The following WWOX variants were observed in gnomAD, a reference collection of about 807,000 sequenced individuals.
The protein encoded by WWOX is WW domain-containing oxidoreductase.
Under a neutral mutation model 46.2 loss-of-function variants are expected in WWOX, and 69 were observed. That is an observed-to-expected ratio of 1.49 (90% CI 1.23 to 1.82). The LOEUF is 1.82. Among genes scored for constraint, WWOX ranks in the 40% most tolerant of loss-of-function variants. WWOX has a pLI of 0.00. For missense variants in WWOX, 919 were observed against 542.6 expected, an observed-to-expected ratio of 1.69 and a Z score of -6.89; for synonymous variants, 359 against 202.6, an observed-to-expected ratio of 1.77 and a Z score of -6.56.
chr16:78,353,887 G>T (rs527284484), intron 5 of WWOX, among the ~76,000 whole-genome samples: 1 of 152,198 alleles, frequency 6.6e-6, no homozygotes, highest in Non-Finnish European at 1.5e-5. Context: ...CAGGATTCTC[G>T]TAAAATTCCT....
chr16:78,392,436 AT>A, intron 6 of WWOX, among the ~76,000 whole-genome samples: 1 of 152,044 alleles, frequency 6.6e-6, no homozygotes. Context: ...TTGGATAACT[AT>A]TTCATTATAT....
intron 8 of WWOX, among the ~76,000 whole-genome samples, chr16:78,989,170 C>T (rs896290786): frequency 3.9e-5 from 6 of 152,078 alleles, no homozygotes; most frequent in Admixed American, 1.3e-4. Flanking sequence ...TGTATCTCCC[C>T]AGGGTTAGTG....
At chr16:78,232,413 C>T (rs1481531126) in intron 5 of WWOX, among the ~76,000 whole-genome samples, 2 of 150,968 alleles carry the variant, frequency 1.3e-5, no homozygotes, top group Non-Finnish European at 3.0e-5. Flanking sequence ...CTTGTCAGGT[C>T]GTTCCCTCCC....
chr16:78,105,587 T>C (rs1040212367), intron 1 of WWOX, among the ~76,000 whole-genome samples: 2 of 152,318 alleles, frequency 1.3e-5, no homozygotes, highest in East Asian at 3.9e-4. Flanking sequence ...TTTAAATGTC[T>C]TTCTGAATAA....
At chr16:78,353,235 G>C (rs2081218555) in intron 5 of WWOX, among the ~76,000 whole-genome samples, 1 of 152,130 alleles carries the variant, frequency 6.6e-6, no homozygotes, top group Admixed American at 6.6e-5. Context: ...TGTTTATGTA[G>C]GGGCCCGTGT....
chr16:78,922,872 T>G (rs1301382607), intron 8 of WWOX, among the ~76,000 whole-genome samples: 1 of 152,222 alleles, frequency 6.6e-6, no homozygotes, highest in Non-Finnish European at 1.5e-5. Context: ...CAATAAGGGC[T>G]TATTAATCAT....
intron 8 of WWOX, among the ~76,000 whole-genome samples, chr16:78,699,136 T>A (rs1275727095): frequency 6.6e-6 from 1 of 152,210 alleles, no homozygotes; most frequent in Non-Finnish European, 1.5e-5. Flanking sequence ...ACCATCTGTG[T>A]TCCAGTAAAA....
intron 8 of WWOX, among the ~76,000 whole-genome samples, chr16:78,862,234 A>T (rs184871667): frequency 2.9e-5 from 4 of 137,660 alleles, no homozygotes; most frequent in Admixed American, 7.3e-5. Context: ...GTCTGTATCT[A>T]TACACACCTA....
intron 8 of WWOX, among the ~76,000 whole-genome samples, chr16:78,634,184 G>C (rs1270947180): frequency 1.3e-5 from 2 of 152,068 alleles, no homozygotes; most frequent in Non-Finnish European, 2.9e-5. Flanking sequence ...GCTTTTTTGT[G>C]TCTAAATACA....
chr16:78,701,830 A>G (rs925496944), intron 8 of WWOX, among the ~76,000 whole-genome samples: 1 of 151,500 alleles, frequency 6.6e-6, no homozygotes, highest in South Asian at 2.1e-4. Context: ...TCTCTCCATG[A>G]TGGCGCAGCT....
chr16:78,439,820 A>G (rs979748495), intron 8 of WWOX, among the ~76,000 whole-genome samples: 6 of 152,178 alleles, frequency 3.9e-5, no homozygotes, highest in Non-Finnish European at 8.8e-5. Flanking sequence ...GATAATCTTT[A>G]CTTTTCCCTC....
intron 8 of WWOX, among the ~76,000 whole-genome samples, chr16:79,082,171 C>G (rs185632683): frequency 6.6e-6 from 1 of 152,304 alleles, no homozygotes; most frequent in Admixed American, 6.5e-5. Flanking sequence ...TGTAACAAAT[C>G]TGATTCCCTG....
intron 5 of WWOX, among the ~76,000 whole-genome samples, chr16:78,231,850 A>G (rs773576197): frequency 6.6e-6 from 1 of 152,124 alleles, no homozygotes; most frequent in Non-Finnish European, 1.5e-5. Context: ...GTTTGCCCAG[A>G]TAGTAAGTTC....
intron 8 of WWOX, among the ~76,000 whole-genome samples, chr16:78,784,030 A>G (rs2050395815): frequency 1.3e-5 from 2 of 152,032 alleles, no homozygotes; most frequent in African/African-American, 4.8e-5. Flanking sequence ...GTTGATGATA[A>G]TGATGATGAT....
intron 8 of WWOX, among the ~76,000 whole-genome samples, chr16:78,985,558 C>T (rs2046768573): frequency 6.6e-6 from 1 of 152,220 alleles, no homozygotes; most frequent in Non-Finnish European, 1.5e-5. Flanking sequence ...CACTTGAAGT[C>T]AGGAGTTTCA....
intron 8 of WWOX, among the ~76,000 whole-genome samples, chr16:79,158,881 G>T (rs187906988): frequency 3.3e-5 from 5 of 152,258 alleles, no homozygotes; most frequent in East Asian, 3.9e-4. Context: ...AAGGACCTAG[G>T]TCATTTTCAC....
chr16:79,051,204 A>G (rs1482124067), intron 8 of WWOX, among the ~76,000 whole-genome samples: 1 of 152,232 alleles, frequency 6.6e-6, no homozygotes, highest in Admixed American at 6.5e-5. Context: ...TTGTCTTTAG[A>G]GGAGTAAAGT....
At chr16:78,545,787 C>G (rs113561743) in intron 8 of WWOX, among the ~76,000 whole-genome samples, 13 of 152,150 alleles carry the variant, frequency 8.5e-5, no homozygotes, top group East Asian at 7.7e-4. Flanking sequence ...TGAGGCCTCT[C>G]TCCTTGGCTT....
intron 6 of WWOX, among the ~76,000 whole-genome samples, chr16:78,422,760 C>CATATATATACACACATAT (rs1567563500): frequency 0.026 from 2,903 of 113,776 alleles, 233 homozygotes; most frequent in East Asian, 0.17. Flanking sequence ...CATATATACA[C>CATATATATACACACATAT]ATATATATAC....
Sources: allele counts gnomAD v4.1 joint callset (sites outside exome capture counted in the v4.1 genomes callset), GRCh38; gene constraint gnomAD v4.1.1; transcripts MANE v1.5; gene names NCBI Gene and HGNC (gene_info 2026-07-23, HGNC 2026-07-21).